TNN: variants seen among roughly 807,000 people sequenced by gnomAD.
The protein encoded by TNN is tenascin N, also known as tenascin-N.
Under a neutral mutation model 134.4 loss-of-function variants are expected in TNN, and 122 were observed. The observed-to-expected ratio is 0.91, with a 90% CI of 0.78 to 1.06. TNN has a LOEUF of 1.06. TNN is among the 50% of genes least tolerant of loss of function. The pLI, the probability that TNN is intolerant of heterozygous loss-of-function variation, is 0.00. For missense variants in TNN, 1,739 were observed against 1,699.4 expected (o/e 1.02, Z -0.41); for synonymous variants, 710 against 670.3 (o/e 1.06, Z -0.91).
chr1:175,109,106 G>T (rs1161372636), intron 9 of TNN, among the ~76,000 whole-genome samples: 2 of 50,944 alleles, frequency 3.9e-5, no homozygotes, highest in African/African-American at 2.7e-4. Flanking sequence ...TTTTGAGACG[G>T]AGTCTCGCTC....
intron 6 of TNN, among the ~76,000 whole-genome samples, chr1:175,086,858 C>T (rs922519560): frequency 1.3e-5 from 2 of 152,210 alleles, no homozygotes; most frequent in Non-Finnish European, 2.9e-5. Context: ...CAGTGGCATT[C>T]CCTGTAGCTG....
intron 4 of TNN, 65 bp downstream of exon 4, chr1:175,080,491 T>C: frequency 6.3e-7 from 1 of 1,590,800 alleles, no homozygotes; most frequent in Non-Finnish European, 8.6e-7. Flanking sequence ...GTTTCTTTCA[T>C]TAAACACCTG....
At chr1:175,132,064 A>G (rs1370773806) in intron 15 of TNN, among the ~76,000 whole-genome samples, 1 of 151,968 alleles carries the variant, frequency 6.6e-6, no homozygotes, top group African/African-American at 2.4e-5. Flanking sequence ...TTTGAGCCTG[A>G]CCTTGTGGTG....
intron 11 of TNN, among the ~76,000 whole-genome samples, chr1:175,123,120 CT>C (rs1423440824): frequency 6.6e-6 from 1 of 152,068 alleles, no homozygotes; most frequent in East Asian, 1.9e-4. Context: ...GTTTTGGTGG[CT>C]TATCTTGTTG....
chr1:175,078,797 T>C (rs889570575), intron 2 of TNN, among the ~76,000 whole-genome samples: 1 of 152,144 alleles, frequency 6.6e-6, no homozygotes, highest in African/African-American at 2.4e-5. Flanking sequence ...TACCCATAGT[T>C]GAGAGTAGGC....
chr1:175,113,243 T>C (rs1675082668), intron 9 of TNN, among the ~76,000 whole-genome samples: 1 of 152,232 alleles, frequency 6.6e-6, no homozygotes, highest in African/African-American at 2.4e-5. Context: ...GCCAGTTTAG[T>C]GGTGATGGAT....
At position 175,097,412 on chromosome 1, in the gene TNN, T is replaced by C; in HGVS notation, c.1589-5T>C. 2 of 1,614,166 alleles carry C rather than the reference T, an allele frequency of 1.2e-6. No homozygotes were observed. Among genetic ancestry groups the C allele is most frequent in the Non-Finnish European group, 1.7e-6 (2 of 1,180,002 alleles). On this transcript the variant is annotated splice_region_variant and splice_polypyrimidine_tract_variant and intron_variant, in intron 7 of 18. Transcript: ENST00000239462. ...CTACATTCTTCTTTCATCTCTCTCT[T>C]AAAGAAATTGACAGCCCAGCAAACC...
intron 4 of TNN, among the ~76,000 whole-genome samples, chr1:175,081,237 C>T (rs983541837): frequency 6.6e-5 from 10 of 152,204 alleles, no homozygotes; most frequent in South Asian, 4.1e-4. Flanking sequence ...CCAGCAAATG[C>T]CACCAAAATG....
chr1:175,086,597 A>G (rs1674329658), intron 6 of TNN, among the ~76,000 whole-genome samples: 2 of 152,154 alleles, frequency 1.3e-5, no homozygotes, highest in Non-Finnish European at 2.9e-5. Flanking sequence ...AGTTCTTTCC[A>G]ATTCAGTCCT....
At chr1:175,113,402 A>G (rs1441872489) in intron 9 of TNN, among the ~76,000 whole-genome samples, 1 of 152,122 alleles carries the variant, frequency 6.6e-6, no homozygotes, top group East Asian at 1.9e-4. Context: ...CCTGGCCTGT[A>G]AGATTTCTGC....
intron 15 of TNN, among the ~76,000 whole-genome samples, chr1:175,132,190 TG>T (rs1268510982): frequency 3.3e-5 from 5 of 152,138 alleles, no homozygotes; most frequent in African/African-American, 1.2e-4. Context: ...CCAGGCACCT[TG>T]CTAGGAAATT....
chr1:175,147,147 C>G lies in TNN; in HGVS notation c.*76C>G, dbSNP rs142815211. The stretch of plus-strand genomic sequence containing the variant: ...GGGGCGGGGTGGGTAGTGGTCACTG[C>G]GGTCTGGGAGTGCTCAGATAGCCCG... On this transcript the variant is annotated 3_prime_UTR_variant, in exon 19 of 19. Transcript: ENST00000239462. 2,333 of 1,376,676 alleles carry G rather than the reference C, an allele frequency of 1.7e-3. 45 individuals carry two copies. The African/African-American group carries it at 0.031, about 19-fold the overall frequency. 85.3% of individuals were successfully genotyped at this position (1,376,676 alleles called of 1,614,324 possible). A position where few individuals can be genotyped will look rare whatever the true frequency, so the allele number is the denominator to read the frequency against.
At chr1:175,144,338 C>T in intron 17 of TNN, 49 bp from the exon 18 acceptor site, 1 of 1,578,662 alleles carries the variant, frequency 6.3e-7, no homozygotes, top group Non-Finnish European at 8.7e-7. Context: ...TTGATCATCT[C>T]CTCGGTGGCT....
chr1:175,074,356 A>G (rs373291328), intron 1 of TNN, among the ~76,000 whole-genome samples: 3 of 152,006 alleles, frequency 2.0e-5, no homozygotes, highest in African/African-American at 7.2e-5. Flanking sequence ...ACTGTGACAT[A>G]TACCTGTAGT....
At chr1:175,093,633 A>G (rs1306763672) in intron 6 of TNN, among the ~76,000 whole-genome samples, 2 of 152,166 alleles carry the variant, frequency 1.3e-5, no homozygotes, top group South Asian at 2.1e-4. Flanking sequence ...GAGGGGAATG[A>G]TGACTCTTCT....
chr1:175,137,810 A>G (rs1356711700), intron 17 of TNN, among the ~76,000 whole-genome samples: 1 of 152,254 alleles, frequency 6.6e-6, no homozygotes, highest in Non-Finnish European at 1.5e-5. Flanking sequence ...GGAATGTGTT[A>G]CCAGCCAGAC....
chr1:175,118,935 T>G, intron 11 of TNN, 111 bp downstream of exon 11: 1 of 1,402,694 alleles, frequency 7.1e-7, no homozygotes, highest in Non-Finnish European at 9.7e-7. Flanking sequence ...GGCTGCAGAC[T>G]GTTTTAGGAG....
At chr1:175,088,194 G>C (rs148353596) in intron 6 of TNN, among the ~76,000 whole-genome samples, 19 of 152,224 alleles carry the variant, frequency 1.2e-4, no homozygotes, top group African/African-American at 4.3e-4. Context: ...CCCCTTGTTA[G>C]GGGGGTGGGT....
At position 175,094,056 on chromosome 1, in the gene TNN, A is replaced by G; in HGVS notation, c.1391A>G (p.Asp464Gly). ...GAAGACACAGCAACTGTCTCCTGGG[A>G]CCCAGTGCAGGCTGTCATAGACAAG... ...VTEDTATVSW[D>G]PVQAVIDKYV... The change falls in exon 7 of 19, where the codon GAC becomes GGC. Residue 464 changes from aspartate to glycine, a missense_variant. By Grantham distance (94) the Asp-to-Gly change is moderately conservative. Transcript: ENST00000239462. 6.2e-7 allele frequency: 1 copy of G among 1,614,118 alleles called. No homozygotes were observed. Among genetic ancestry groups the G allele is most frequent in the Non-Finnish European group, 8.5e-7 (1 of 1,179,952 alleles).
Sources: allele counts gnomAD v4.1 joint callset (sites outside exome capture counted in the v4.1 genomes callset), GRCh38; gene constraint gnomAD v4.1.1; transcripts MANE v1.5; gene names NCBI Gene and HGNC (gene_info 2026-07-23, HGNC 2026-07-21).